The following LGSN variants were observed in gnomAD, a reference collection of about 807,000 sequenced individuals.
LGSN encodes the protein lengsin.
In LGSN, 21 loss-of-function variants were observed where a neutral mutation model predicts 19.5. That is an observed-to-expected ratio of 1.07 (90% CI 0.76 to 1.55). LGSN has a LOEUF of 1.55. LGSN is among the 40% of genes most tolerant of loss of function. The pLI is 0.00. For missense variants in LGSN, 673 were observed against 608.5 expected (o/e 1.11, Z -1.12); for synonymous variants, 257 against 215.6 (o/e 1.19, Z -1.68).
the LGSN span, among the ~76,000 whole-genome samples, chr6:63,533,181 A>G: frequency 1.3e-5 from 2 of 152,202 alleles, no homozygotes; most frequent in Non-Finnish European, 2.9e-5. Flanking sequence ...CACGAGTTCA[A>G]TACAAGCTTG....
chr6:63,291,475 G>A lies in LGSN; in HGVS notation c.163+3438C>T, dbSNP rs113503660. On this transcript the variant is annotated intron_variant, in intron 2 of 3. Coordinates refer to ENST00000370657, the MANE Select transcript of LGSN (RefSeq NM_016571.3). The stretch of plus-strand genomic sequence containing the variant: ...CTTTCCCCTGGAGTTCGGCTGTCCC[G>A]CGACGGATCTCCTCTCCGACCGTCC... Among the ~76,000 whole-genome samples the A allele has an allele frequency of 6.1e-3, 927 of 152,176 alleles. 7 individuals carry two copies. Among genetic ancestry groups the A allele is most frequent in the African/African-American group, 0.021 (852 of 41,504 alleles).
chr6:63,516,250 CA>C, the LGSN span, among the ~76,000 whole-genome samples: 1 of 152,156 alleles, frequency 6.6e-6, no homozygotes, highest in East Asian at 1.9e-4. Flanking sequence ...TCCACCTATC[CA>C]AAAGGTCAGC....
chr6:63,422,549 AG>A, the LGSN span, among the ~76,000 whole-genome samples: 1 of 152,232 alleles, frequency 6.6e-6, no homozygotes, highest in Non-Finnish European at 1.5e-5. Context: ...TGTTAAAAAA[AG>A]AGATACCCAT....
Position 63,280,764 on chromosome 6 carries a change from G to T in LGSN, c.787C>A (p.Pro263Thr). 6.2e-7 allele frequency: 1 copy of T among 1,614,136 alleles called. No homozygotes were observed. Among genetic ancestry groups the T allele is most frequent in the Non-Finnish European group, 8.5e-7 (1 of 1,180,018 alleles). ...AGGAAAGAGATTTCCATCTGACCAG[G>T]CCTGGTAGAGGAGGAAAAACTCTCG... is the stretch of plus-strand genomic sequence containing the variant. Reference protein sequence around the residue: ...NVESFSSSTRPGQMEISFLPE... With the variant: ...NVESFSSSTRTGQMEISFLPE... Residue 263 changes from proline to threonine, a missense_variant, in exon 4 of 4, where the codon CCT (proline) becomes ACT (threonine). By Grantham distance (38) the Pro-to-Thr change is conservative. Coordinates refer to ENST00000370657, the MANE Select transcript of LGSN (RefSeq NM_016571.3).
At chr6:63,503,954 A>G in the LGSN span, among the ~76,000 whole-genome samples, 1 of 152,076 alleles carries the variant, frequency 6.6e-6, no homozygotes, top group Non-Finnish European at 1.5e-5. Context: ...ACAAATATAT[A>G]AAAATTTATA....
At chr6:63,531,446 G>A in the LGSN span, among the ~76,000 whole-genome samples, 3 of 149,536 alleles carry the variant, frequency 2.0e-5, no homozygotes, top group African/African-American at 7.4e-5. Flanking sequence ...TGCCTACATA[G>A]ACATCACAAA....
chr6:63,498,245 AAC>A, the LGSN span, among the ~76,000 whole-genome samples: 1 of 151,982 alleles, frequency 6.6e-6, no homozygotes, highest in Admixed American at 6.6e-5. Context: ...TGAAGAGGAA[AAC>A]ACAGACTGAA....
At chr6:63,572,086 T>C in the LGSN span, 3 of 152,104 alleles carry the variant, frequency 2.0e-5, no homozygotes, top group East Asian at 5.8e-4. Context: ...AAGGATTGCA[T>C]TTTACGATTC....
the LGSN span, among the ~76,000 whole-genome samples, chr6:63,432,088 GGAAAGAAAGAAA>G: frequency 0.11 from 4,951 of 44,620 alleles, 402 homozygotes; most frequent in Non-Finnish European, 0.12. Context: ...AGAAAAAGAA[GGAAAGAAAGAAA>G]GAAAGAAAGA....
the LGSN span, chr6:63,481,923 A>T: frequency 5.4e-6 from 1 of 184,598 alleles, no homozygotes; most frequent in Non-Finnish European, 1.2e-5. Context: ...AGCTTGAAAG[A>T]TTAATTAGTT....
the LGSN span, among the ~76,000 whole-genome samples, chr6:63,365,974 C>T: frequency 6.6e-6 from 1 of 152,080 alleles, no homozygotes; most frequent in African/African-American, 2.4e-5. Flanking sequence ...AAACCCACAG[C>T]CAATATCATA....
chr6:63,512,334 C>T, the LGSN span, among the ~76,000 whole-genome samples: 2 of 152,124 alleles, frequency 1.3e-5, no homozygotes, highest in Non-Finnish European at 2.9e-5. Context: ...CTACCTGCCT[C>T]GGCCTCCCAA....
chr6:63,394,221 G>A, the LGSN span, among the ~76,000 whole-genome samples: 7 of 152,194 alleles, frequency 4.6e-5, no homozygotes, highest in South Asian at 2.1e-4. Context: ...CCGAGATCAC[G>A]CCACTGCACT....
At chr6:63,507,504 T>A in the LGSN span, among the ~76,000 whole-genome samples, 22 of 152,294 alleles carry the variant, frequency 1.4e-4, no homozygotes, top group African/African-American at 5.3e-4. Flanking sequence ...TCTGATAACA[T>A]CCTGATGAGT....
At chr6:63,544,911 T>C in the LGSN span, among the ~76,000 whole-genome samples, 2 of 152,198 alleles carry the variant, frequency 1.3e-5, no homozygotes, top group Admixed American at 1.3e-4. Context: ...TTACAATTAA[T>C]GTCTCCGAAG....
chr6:63,304,365 G>T (rs1294734300), intron 1 of LGSN, among the ~76,000 whole-genome samples: 1 of 152,194 alleles, frequency 6.6e-6, no homozygotes, highest in Non-Finnish European at 1.5e-5. Flanking sequence ...CTGTACAGCA[G>T]ATTTTACTGC....
At chr6:63,431,382 G>A in the LGSN span, among the ~76,000 whole-genome samples, 1 of 152,198 alleles carries the variant, frequency 6.6e-6, no homozygotes, top group Admixed American at 6.5e-5. Flanking sequence ...GTATTTCACA[G>A]TACCTCTGAT....
the LGSN span, among the ~76,000 whole-genome samples, chr6:63,455,345 A>G: frequency 3.9e-5 from 6 of 152,256 alleles, no homozygotes; most frequent in African/African-American, 1.4e-4. Context: ...CATTATCTTC[A>G]GGTACCTGGC....
chr6:63,462,780 C>T, the LGSN span, among the ~76,000 whole-genome samples: 2 of 104,642 alleles, frequency 1.9e-5, no homozygotes, highest in African/African-American at 3.3e-5. Flanking sequence ...AATTATTTAT[C>T]TCAATCTTGC....
Sources: gnomAD v4.1 joint callset for allele counts (sites outside exome capture counted in the v4.1 genomes callset) on GRCh38, gnomAD v4.1.1 for gene constraint, MANE v1.5 for transcripts, NCBI Gene and HGNC (gene_info 2026-07-23, HGNC 2026-07-21) for gene names.